Variants in DYSF observed in about 807,000 individuals in gnomAD.
DYSF encodes dystrophy-associated fer-1-like 1.
DYSF carries 212 observed loss-of-function variants against 274.9 expected under a neutral mutation model. The observed-to-expected ratio is 0.77, with a 90% CI of 0.69 to 0.86. DYSF has a LOEUF of 0.86. Ranked by LOEUF, DYSF falls within the 40% of genes least tolerant of loss-of-function variation. The probability of loss-of-function intolerance (pLI) is 0.00; values close to 1 mark genes in which losing one functional copy is unlikely to be tolerated. For missense variants in DYSF, 2,666 were observed against 2,783.2 expected, an observed-to-expected ratio of 0.96 and a Z score of 0.95; for synonymous variants, 1,091 against 1,078.7, an observed-to-expected ratio of 1.01 and a Z score of -0.22.
rs2095034882 is a variant in DYSF at position 71,667,423 on chromosome 2, C to G, written c.5365C>G (p.Leu1789Val). The G allele has an allele frequency of 6.2e-7, 1 of 1,614,130 alleles. No homozygotes were observed. Among genetic ancestry groups the G allele is most frequent in the East Asian group, 2.2e-5 (1 of 44,868 alleles). ...ACACCTGGGCCCAGTGGAGGAGCGT[C>G]TGGCTCTGCATGTGCTTCAGCAGCA... ...NPHLGPVEER[L>V]ALHVLQQQGL... is the part of the protein sequence containing the mutation. Residue 1789 changes from leucine to valine, a missense_variant, in exon 48 of 56, where the codon CTG becomes GTG. Around this residue, in one of 3 missense-constraint regions of DYSF, gnomAD observed 1,460 missense variants for 1,502.1 expected, o/e 0.97. Transcript: ENST00000410020.
chr2:71,669,484 G>A, intron 50 of DYSF, 121 bp from the exon 51 acceptor site: 1 of 1,285,854 alleles, frequency 7.8e-7, no homozygotes, highest in Non-Finnish European at 1.1e-6. Flanking sequence ...CCGATTTCCT[G>A]GGAATTCTTT....
intron 42 of DYSF, among the ~76,000 whole-genome samples, chr2:71,655,794 C>G (rs2094756816): frequency 6.6e-6 from 1 of 152,224 alleles, no homozygotes; most frequent in Admixed American, 6.5e-5. Context: ...ATGTACTGCC[C>G]ATGTCTCTGA....
rs373185538 is a variant in DYSF, at chr2:71,569,826, C to T, written c.2871C>T (p.Leu957=). 8 of 1,613,644 alleles carry T rather than the reference C, an allele frequency of 5.0e-6. No homozygotes were observed. In the African/African-American group the frequency reaches 9.3e-5, roughly 19 times the overall value. ...GACCAGCCCTCCTCCACAGTCTGCT[C>T]CATGACATGGACGCCGGTCACCTGA... The part of the protein sequence containing the change: ...DWFVCPEKTL[L]HDMDAGHLSF... The change falls in exon 27 of 56, where the codon CTC becomes CTT. Residue 957 remains leucine, a synonymous_variant. Coordinates refer to ENST00000410020, the MANE Select transcript of DYSF (RefSeq NM_001130987.2).
At chr2:71,509,865 G>A (rs929276815) in intron 4 of DYSF, among the ~76,000 whole-genome samples, 1 of 151,762 alleles carries the variant, frequency 6.6e-6, no homozygotes, top group Admixed American at 6.6e-5. Flanking sequence ...GACCTCTGCC[G>A]CCAAGGTTCA....
chr2:71,566,647 G>A (rs561051049), intron 24 of DYSF, among the ~76,000 whole-genome samples: 2 of 152,314 alleles, frequency 1.3e-5, no homozygotes, highest in South Asian at 4.1e-4. Context: ...GGGTGGATGG[G>A]GGAAGTGGGG....
At chr2:71,601,137 C>T in intron 34 of DYSF, 1 of 589,434 alleles carries the variant, frequency 1.7e-6, no homozygotes, top group Non-Finnish European at 3.0e-6. Context: ...GTGAGGGACT[C>T]CAGGGACAGG....
intron 47 of DYSF, 25 bp from the exon 48 acceptor site, chr2:71,667,351 C>CT: frequency 6.2e-7 from 1 of 1,613,942 alleles, no homozygotes; most frequent in African/African-American, 1.3e-5. Flanking sequence ...GCTCCTGCAA[C>CT]TTTTTTGTCT....
chr2:71,476,870 A>C (rs1371884949), intron 1 of DYSF, among the ~76,000 whole-genome samples: 1 of 108,832 alleles, frequency 9.2e-6, no homozygotes, highest in African/African-American at 6.4e-5. Flanking sequence ...TTAAAGAATG[A>C]CTGACAAAAC....
chr2:71,559,019 C>A (rs1446193543), intron 22 of DYSF, among the ~76,000 whole-genome samples: 1 of 152,158 alleles, frequency 6.6e-6, no homozygotes, highest in African/African-American at 2.4e-5. Flanking sequence ...CACCCTTTCT[C>A]CAGTCAGCCT....
intron 27 of DYSF, 29 bp from the exon 28 acceptor site, chr2:71,570,200 A>G: frequency 6.3e-7 from 1 of 1,597,928 alleles, no homozygotes. Flanking sequence ...GTCTCCTCTC[A>G]TTGCTTGCCT....
chr2:71,636,200 T>A (rs1029272818), intron 41 of DYSF, among the ~76,000 whole-genome samples: 3 of 152,050 alleles, frequency 2.0e-5, no homozygotes, highest in African/African-American at 7.2e-5. Flanking sequence ...GGGCTTTAGT[T>A]TTATTCTGAG....
At chr2:71,498,226 T>C (rs1392437848) in intron 3 of DYSF, among the ~76,000 whole-genome samples, 2 of 152,260 alleles carry the variant, frequency 1.3e-5, no homozygotes, top group Non-Finnish European at 2.9e-5. Context: ...GCACTGGCTC[T>C]ATCAGCTTTG....
chr2:71,540,984 A>G (rs1442883351), intron 17 of DYSF, among the ~76,000 whole-genome samples: 1 of 152,186 alleles, frequency 6.6e-6, no homozygotes, highest in Non-Finnish European at 1.5e-5. Flanking sequence ...TGATACAAAC[A>G]CTGTATTTTG....
At chr2:71,613,203 G>A (rs1022394165) in intron 39 of DYSF, 131 bp from the exon 40 acceptor site, 7 of 787,846 alleles carry the variant, frequency 8.9e-6, no homozygotes, top group Admixed American at 2.0e-5. Context: ...TAGGAAGAGA[G>A]AGATACCGAC....
At chr2:71,611,219 T>A (rs766400918) in intron 36 of DYSF, 26 bp from the exon 37 acceptor site, 1 of 1,560,750 alleles carries the variant, frequency 6.4e-7, no homozygotes, top group Admixed American at 1.7e-5. Flanking sequence ...CACCTTTGTC[T>A]CCATTCTACC....
chr2:71,503,123 G>A, intron 3 of DYSF, 91 bp from the exon 4 acceptor site: 1 of 1,164,094 alleles, frequency 8.6e-7, no homozygotes, highest in Non-Finnish European at 1.3e-6. Context: ...AGGCAGACCA[G>A]CCTCATCTGA....
At chr2:71,602,727 C>A (rs745993285) in intron 35 of DYSF, 49 bp from the exon 36 acceptor site, 2 of 1,603,154 alleles carry the variant, frequency 1.2e-6, no homozygotes, top group East Asian at 4.5e-5. Context: ...CCCCTTCCAA[C>A]CCCTCTCACC....
rs534855764 is a variant in DYSF, at chr2:71,668,860, A to G, written c.5546+18A>G. 2 of 1,609,678 alleles carry G rather than the reference A, an allele frequency of 1.2e-6. No individual in the cohort carries two copies. The highest frequency in any genetic ancestry group is 1.7e-6 in the Non-Finnish European group (2 of 1,177,578). ...GCCAGAAGGTGACTTGCCCAGCCAC[A>G]GGCTCTGAGCTGGGCTGAGGGGTGG... On this transcript the variant is annotated intron_variant, in intron 49 of 55. Coordinates refer to ENST00000410020, the MANE Select transcript of DYSF (RefSeq NM_001130987.2).
At chr2:71,642,961 G>A (rs1182646174) in intron 41 of DYSF, among the ~76,000 whole-genome samples, 1 of 152,194 alleles carries the variant, frequency 6.6e-6, no homozygotes, top group Non-Finnish European at 1.5e-5. Context: ...GGAGGAAAGC[G>A]AGTTCCAGAA....
Sources: gnomAD v4.1 joint callset for allele counts (sites outside exome capture counted in the v4.1 genomes callset) on GRCh38, gnomAD v4.1.1 for gene constraint, gnomAD v4.1.1 regional missense constraint, MANE v1.5 for transcripts, NCBI Gene and HGNC (gene_info 2026-07-23, HGNC 2026-07-21) for gene names.